The following HAMP variants were observed in gnomAD, a reference collection of about 807,000 sequenced individuals.
The protein encoded by HAMP is hepcidin.
Under a neutral mutation model 7.8 loss-of-function variants are expected in HAMP, and 5 were observed. That is an observed-to-expected ratio of 0.64 (90% CI 0.33 to 1.34). The LOEUF (loss-of-function observed/expected upper bound fraction) is 1.34, where lower values mean the gene tolerates loss of function less well. Ranked by LOEUF, HAMP falls within the 40% of genes most tolerant of loss-of-function variation. The pLI is 0.05. For synonymous variants in HAMP, 52 were observed against 38.6 expected (o/e 1.35, Z -1.28); for missense variants, 105 against 104.1 (o/e 1.01, Z -0.04).
At chr19:35,283,375 T>C (rs1376091543) in intron 1 of HAMP, 1 of 152,770 alleles carries the variant, frequency 6.5e-6, no homozygotes, top group Non-Finnish European at 1.5e-5. Flanking sequence ...AGAGTCACTT[T>C]TTTGGTTTGT....
At chr19:35,283,112 A>G (rs2066311156) in intron 1 of HAMP, 2 of 263,488 alleles carry the variant, frequency 7.6e-6, no homozygotes, top group African/African-American at 4.4e-5. Flanking sequence ...TCAATGAAGC[A>G]CCGAGTGACA....
chr19:35,284,947 C>A lies in HAMP; in HGVS notation c.160C>A (p.Gln54Lys), dbSNP rs113130816. 9 of 1,613,438 alleles carry A rather than the reference C, an allele frequency of 5.6e-6. No homozygotes were observed. Among genetic ancestry groups the A allele is most frequent in the African/African-American group, 4.0e-5 (3 of 74,956 alleles). The change falls in exon 3 of 3, where the codon CAG becomes AAG. Residue 54 changes from glutamine (Q) to lysine (K), a missense_variant. By Grantham distance (53) the Gln-to-Lys change is moderately conservative. Transcript: ENST00000222304. ...GARASWMPMF[Q>K]RRRRRDTHFP... ...CCCTTCCTTCCCACAGCCCATGTTC[C>A]AGAGGCGAAGGAGGCGAGACACCCA...
chr19:35,284,515 T>C, intron 1 of HAMP: 1 of 567,814 alleles, frequency 1.8e-6, no homozygotes. Context: ...GGGAGGTGTG[T>C]TAGGAGGCTG....
Position 35,282,607 on chromosome 19 carries a change from T to C in HAMP, c.30T>C (p.Ala10=). Residue 10 remains alanine, a synonymous_variant, in exon 1 of 3, where the codon GCT becomes GCC. Coordinates refer to ENST00000222304, the MANE Select transcript of HAMP (RefSeq NM_021175.4). ...CACTGAGCTCCCAGATCTGGGCCGC[T>C]TGCCTCCTGCTCCTCCTCCTCCTCG... is the stretch of plus-strand genomic sequence containing the variant. The part of the protein sequence containing the change: MALSSQIWA[A]CLLLLLLLAS... 6.2e-7 allele frequency: 1 copy of C among 1,614,128 alleles called. No homozygotes were observed.
At chr19:35,282,810 A>G in intron 1 of HAMP, 143 bp downstream of exon 1, 1 of 728,884 alleles carries the variant, frequency 1.4e-6, no homozygotes, top group Non-Finnish European at 2.5e-6. Context: ...GAACCAGGAC[A>G]GGCACGGTGG....
chr19:35,283,786 C>A (rs940248747), intron 1 of HAMP: 43 of 148,298 alleles, frequency 2.9e-4, no homozygotes, highest in African/African-American at 9.8e-4. Flanking sequence ...AAAGAGGAAG[C>A]CCCCATAAGC....
rs1568466027 is a variant in HAMP, at chr19:35,284,817, A to G, written c.119A>G (p.Gln40Arg). 2 of 1,613,988 alleles carry G rather than the reference A, an allele frequency of 1.2e-6. No individual in the cohort carries two copies. The highest frequency in any genetic ancestry group is 3.3e-5 in the Admixed American group (2 of 60,014). ...GGACAACTTGCAGAGCTGCAACCCC[A>G]GGACAGAGCTGGAGCCAGGGCCAGC... is the stretch of plus-strand genomic sequence containing the variant. ...QTGQLAELQP[Q>R]DRAGARASWM... is the part of the protein sequence containing the mutation. The change falls in exon 2 of 3, where the codon CAG becomes CGG. Residue 40 changes from glutamine to arginine, a missense_variant. By Grantham distance (43) the Gln-to-Arg change is conservative (BLOSUM62 1). Transcript: ENST00000222304.
chr19:35,284,369 C>T (rs1227069929), intron 1 of HAMP: 4 of 234,412 alleles, frequency 1.7e-5, no homozygotes, highest in Admixed American at 5.1e-5. Flanking sequence ...CGCTTGAGCA[C>T]AGGAGGTCAA....
At chr19:35,282,804 C>A in intron 1 of HAMP, 137 bp downstream of exon 1, 1 of 753,626 alleles carries the variant, frequency 1.3e-6, no homozygotes. Flanking sequence ...GAACAGGAAC[C>A]AGGACAGGCA....
chr19:35,284,375 G>A (rs1275166714), intron 1 of HAMP: 6 of 245,704 alleles, frequency 2.4e-5, no homozygotes, highest in Non-Finnish European at 4.8e-5. Flanking sequence ...AGCACAGGAG[G>A]TCAAGGCTGC....
rs752428391 is a variant in HAMP, at chr19:35,284,815, C to T, written c.117C>T (p.Pro39=). The change falls in exon 2 of 3, where the codon CCC becomes CCT. Residue 39 remains proline, a synonymous_variant. Transcript: ENST00000222304. ...CGGGACAACTTGCAGAGCTGCAACC[C>T]CAGGACAGAGCTGGAGCCAGGGCCA... is the stretch of plus-strand genomic sequence containing the variant. ...QQTGQLAELQ[P]QDRAGARASW... The T allele has an allele frequency of 1.9e-6, 3 of 1,614,030 alleles. No individual in the cohort carries two copies. The highest frequency in any genetic ancestry group is 2.5e-6 in the Non-Finnish European group (3 of 1,179,920).
chr19:35,282,730 C>G, intron 1 of HAMP, 63 bp downstream of exon 1: 4 of 1,296,198 alleles, frequency 3.1e-6, no homozygotes, highest in South Asian at 1.2e-5. Context: ...AGGCCTCAGC[C>G]TAGGGCACTG....
chr19:35,283,347 A>T (rs1413835631), intron 1 of HAMP: 1 of 154,130 alleles, frequency 6.5e-6, no homozygotes, highest in Non-Finnish European at 1.4e-5. Context: ...AGTGACCGTG[A>T]CCCATTCGCC....
chr19:35,282,662 C>A lies in HAMP; in HGVS notation c.85C>A (p.Gln29Lys). 1 of 1,613,252 alleles carries A rather than the reference C, an allele frequency of 6.2e-7. No homozygotes were observed. Among genetic ancestry groups the A allele is most frequent in the South Asian group, 1.1e-5 (1 of 91,062 alleles). The change falls in exon 1 of 3, where the codon CAA becomes AAA. Residue 29 changes from glutamine to lysine, a missense_variant. By Grantham distance (53) the Gln-to-Lys change is moderately conservative (BLOSUM62 1). Coordinates refer to ENST00000222304, the MANE Select transcript of HAMP (RefSeq NM_021175.4). ...ASLTSGSVFPQQTGQLAELQP... is the reference protein window; with the variant it reads ...ASLTSGSVFPKQTGQLAELQP... ...CCTGACCAGTGGCTCTGTTTTCCCA[C>A]AACAGGTGAGAGCCCAGTGGCCTGG...
rs1180947820 is a variant in HAMP, at chr19:35,282,562, C to T, written c.-16C>T. 2.5e-6 allele frequency: 4 copies of T among 1,607,746 alleles called. No homozygotes were observed. The African/African-American group carries it at 5.3e-5, about 21-fold the overall frequency. On this transcript the variant is annotated 5_prime_UTR_variant, in exon 1 of 3. Coordinates refer to ENST00000222304, the MANE Select transcript of HAMP (RefSeq NM_021175.4). The stretch of plus-strand genomic sequence containing the variant: ...AGCTCAAGACCCAGCAGTGGGACAG[C>T]CAGACAGACGGCACGATGGCACTGA...
chr19:35,283,246 G>A (rs189798859), intron 1 of HAMP: 18 of 169,342 alleles, frequency 1.1e-4, no homozygotes, highest in African/African-American at 4.1e-4. Context: ...CTCCATCCTG[G>A]TCAGGGAATT....
At position 35,282,541 on chromosome 19, in the gene HAMP, C is replaced by A; in HGVS notation, c.-37C>A. 6.4e-7 allele frequency: 1 copy of A among 1,555,132 alleles called. No homozygotes were observed. The highest frequency in any genetic ancestry group is 8.9e-7 in the Non-Finnish European group (1 of 1,126,348). On this transcript the variant is annotated 5_prime_UTR_variant, in exon 1 of 3. Transcript: ENST00000222304. ...TCGGTCCCAGACACCAGAGCAAGCT[C>A]AAGACCCAGCAGTGGGACAGCCAGA...
At chr19:35,282,724 C>T (rs1245364632) in intron 1 of HAMP, 57 bp downstream of exon 1, 6 of 1,371,352 alleles carry the variant, frequency 4.4e-6, no homozygotes, top group Non-Finnish European at 4.2e-6. Context: ...AGAGCCAGGC[C>T]TCAGCCTAGG....
chr19:35,284,973 C>T lies in HAMP; in HGVS notation c.186C>T (p.His62=). 1 of 1,614,048 alleles carries T rather than the reference C, an allele frequency of 6.2e-7. No homozygotes were observed. Among genetic ancestry groups the T allele is most frequent in the Non-Finnish European group, 8.5e-7 (1 of 1,179,904 alleles). Residue 62 remains histidine (H), a synonymous_variant, in exon 3 of 3, where the codon CAC becomes CAT. Coordinates refer to ENST00000222304, the MANE Select transcript of HAMP (RefSeq NM_021175.4). ...MFQRRRRRDT[H]FPICIFCCGC... ...AGAGGCGAAGGAGGCGAGACACCCA[C>T]TTCCCCATCTGCATTTTCTGCTGCG...
Sources: allele counts gnomAD v4.1 joint callset, GRCh38; gene constraint gnomAD v4.1.1; transcripts MANE v1.5; gene names NCBI Gene and HGNC (gene_info 2026-07-23, HGNC 2026-07-21).